Variants in EPHA6 observed in about 807,000 individuals in gnomAD.
The protein encoded by EPHA6 is ephrin type-A receptor 6.
A neutral mutation model predicts 112.0 loss-of-function variants in EPHA6; 50 were observed. That is an observed-to-expected ratio of 0.45 (90% CI 0.36 to 0.56). The LOEUF is 0.56. Among genes scored for constraint, EPHA6 ranks in the 20% least tolerant of loss-of-function variants. EPHA6 has a pLI of 0.00. For synonymous variants in EPHA6, 529 were observed against 490.7 expected (o/e 1.08, Z -1.03); for missense variants, 1,280 against 1,417.4 (o/e 0.90, Z 1.56).
intron 15 of EPHA6, among the ~76,000 whole-genome samples, chr3:97,725,427 A>T (rs2034718128): frequency 6.6e-6 from 1 of 152,254 alleles, no homozygotes; most frequent in East Asian, 1.9e-4. Context: ...CAGTTTCCCC[A>T]TAATTACCTC....
chr3:97,408,463 G>T (rs2087504508), intron 6 of EPHA6, among the ~76,000 whole-genome samples: 1 of 151,538 alleles, frequency 6.6e-6, no homozygotes, highest in African/African-American at 2.4e-5. Context: ...CCCAAGCAAG[G>T]CACACTTCCT....
At chr3:97,450,404 T>G (rs1353377832) in intron 7 of EPHA6, among the ~76,000 whole-genome samples, 1 of 152,064 alleles carries the variant, frequency 6.6e-6, no homozygotes, top group Non-Finnish European at 1.5e-5. Context: ...TTTCACAGAT[T>G]TAAAAAATTC....
chr3:96,973,668 A>G lies in EPHA6; in HGVS notation c.451-13662A>G, dbSNP rs144287575. 3.6e-3 allele frequency among the ~76,000 whole-genome samples: 539 copies of G among 151,076 alleles called. 4 individuals are homozygous for G. Among genetic ancestry groups the G allele is most frequent in the African/African-American group, 0.012 (510 of 41,092 alleles). On this transcript the variant is annotated intron_variant, in intron 2 of 17. Coordinates refer to ENST00000389672, the MANE Select transcript of EPHA6 (RefSeq NM_001080448.3). ...GTGAAACCCTGTCTCTACTAAAAAT[A>G]CAAAAAAATTAGCCAGGCATGGTGG...
intron 3 of EPHA6, among the ~76,000 whole-genome samples, chr3:97,016,383 C>G (rs1190404901): frequency 6.6e-6 from 1 of 152,088 alleles, no homozygotes; most frequent in Non-Finnish European, 1.5e-5. Context: ...TTCCCTCCCA[C>G]TCTGTTAAAT....
chr3:97,539,022 T>TCTTTCTTTCTTG (rs1291482385), intron 11 of EPHA6, among the ~76,000 whole-genome samples: 46 of 150,864 alleles, frequency 3.0e-4, no homozygotes, highest in African/African-American at 7.9e-4. Context: ...TTTCTTTCTT[T>TCTTTCTTTCTTG]CTTTCTTTCT....
intron 14 of EPHA6, among the ~76,000 whole-genome samples, chr3:97,671,888 G>T (rs1001074668): frequency 1.3e-5 from 2 of 151,904 alleles, no homozygotes; most frequent in Non-Finnish European, 2.9e-5. Flanking sequence ...CTAGCCAAAA[G>T]GTTTAACCTA....
At chr3:97,037,724 C>G (rs1276844277) in intron 3 of EPHA6, among the ~76,000 whole-genome samples, 1 of 152,028 alleles carries the variant, frequency 6.6e-6, no homozygotes. Flanking sequence ...TTGTCACATA[C>G]TGGTTGACAC....
chr3:97,742,541 CAT>C (rs2035549226), intron 16 of EPHA6, among the ~76,000 whole-genome samples: 1 of 151,968 alleles, frequency 6.6e-6, no homozygotes, highest in Non-Finnish European at 1.5e-5. Context: ...TTTAAATAAT[CAT>C]ATCAATAAAA....
intron 14 of EPHA6, among the ~76,000 whole-genome samples, chr3:97,659,317 C>T (rs2094155413): frequency 1.3e-5 from 2 of 151,948 alleles, no homozygotes; most frequent in African/African-American, 2.4e-5. Flanking sequence ...TAGAGAGAAA[C>T]TTACATGGAA....
chr3:97,595,902 C>CTTTTTT (rs1198606431), intron 12 of EPHA6, among the ~76,000 whole-genome samples: 3 of 115,026 alleles, frequency 2.6e-5, no homozygotes, highest in Non-Finnish European at 5.1e-5. Flanking sequence ...GACATATTCT[C>CTTTTTT]TTTTTTTTTT....
chr3:97,059,323 AT>A (rs1237896083), intron 3 of EPHA6, among the ~76,000 whole-genome samples: 5 of 152,160 alleles, frequency 3.3e-5, no homozygotes, highest in African/African-American at 1.2e-4. Context: ...CTTTCCTTGC[AT>A]TCCAAATGCT....
At chr3:97,364,671 C>G (rs2084612743) in intron 5 of EPHA6, among the ~76,000 whole-genome samples, 1 of 152,012 alleles carries the variant, frequency 6.6e-6, no homozygotes, top group Middle Eastern at 3.4e-3. Context: ...ATTATTCGCC[C>G]TCAGCAAAAT....
chr3:97,631,037 C>T (rs776483890), intron 13 of EPHA6, among the ~76,000 whole-genome samples: 7 of 151,882 alleles, frequency 4.6e-5, no homozygotes, highest in Non-Finnish European at 8.8e-5. Context: ...TTGATTTATG[C>T]GAGTATGTGA....
intron 10 of EPHA6, among the ~76,000 whole-genome samples, chr3:97,525,225 T>A (rs2092602227): frequency 6.6e-6 from 1 of 152,136 alleles, no homozygotes; most frequent in African/African-American, 2.4e-5. Flanking sequence ...TTTCAAATAA[T>A]CTTTCTTCAA....
chr3:97,258,899 CAG>C (rs1022112540), intron 5 of EPHA6, among the ~76,000 whole-genome samples: 1 of 152,076 alleles, frequency 6.6e-6, no homozygotes, highest in Non-Finnish European at 1.5e-5. Context: ...TAAAGACTAA[CAG>C]AAATAAGAAA....
At chr3:97,263,302 A>G (rs947768962) in intron 5 of EPHA6, among the ~76,000 whole-genome samples, 5 of 152,112 alleles carry the variant, frequency 3.3e-5, no homozygotes, top group Non-Finnish European at 7.4e-5. Context: ...ATATATTCTC[A>G]GGGCCTAGTA....
At chr3:96,880,725 GT>G (rs1482511504) in intron 2 of EPHA6, among the ~76,000 whole-genome samples, 1 of 151,908 alleles carries the variant, frequency 6.6e-6, no homozygotes. Context: ...ACACTAATCT[GT>G]TTTTTATCTC....
chr3:97,222,424 C>T (rs2078234240), intron 3 of EPHA6, among the ~76,000 whole-genome samples: 2 of 152,088 alleles, frequency 1.3e-5, no homozygotes, highest in Admixed American at 6.6e-5. Flanking sequence ...CATTTGAAAT[C>T]AGGGATAGTT....
chr3:97,392,701 T>C (rs2086480046), intron 5 of EPHA6, among the ~76,000 whole-genome samples: 1 of 151,826 alleles, frequency 6.6e-6, no homozygotes, highest in South Asian at 2.1e-4. Context: ...TTTATATCTC[T>C]ATAAGCTTTA....
Sources: allele counts gnomAD v4.1 joint callset (sites outside exome capture counted in the v4.1 genomes callset), GRCh38; gene constraint gnomAD v4.1.1; transcripts MANE v1.5; gene names NCBI Gene and HGNC (gene_info 2026-07-23, HGNC 2026-07-21).